MTOR: variants seen among roughly 807,000 people sequenced by gnomAD.
The protein encoded by MTOR is serine/threonine-protein kinase mTOR.
A neutral mutation model predicts 319.8 loss-of-function variants in MTOR; 70 were observed. That is an observed-to-expected ratio of 0.22 (90% CI 0.18 to 0.27). The LOEUF is 0.27. MTOR is among the 10% of genes least tolerant of loss of function. The pLI is 1.00. For synonymous variants in MTOR, 1,183 were observed against 1,211.4 expected (o/e 0.98, Z 0.49); for missense variants, 1,890 against 3,274.4 (o/e 0.58, Z 10.32).
intron 30 of MTOR, among the ~76,000 whole-genome samples, chr1:11,153,812 T>C (rs1189202387): frequency 2.0e-5 from 3 of 151,968 alleles, no homozygotes; most frequent in Admixed American, 2.0e-4. Flanking sequence ...CTCACACCCG[T>C]AATCCTAGAC....
At chr1:11,158,089 C>T (rs1644371654) in intron 29 of MTOR, among the ~76,000 whole-genome samples, 1 of 152,136 alleles carries the variant, frequency 6.6e-6, no homozygotes, top group African/African-American at 2.4e-5. Flanking sequence ...CTATGACTCT[C>T]CAAATGATCA....
At chr1:11,178,244 C>T (rs900847443) in intron 28 of MTOR, among the ~76,000 whole-genome samples, 1 of 152,214 alleles carries the variant, frequency 6.6e-6, no homozygotes, top group Non-Finnish European at 1.5e-5. Flanking sequence ...CAGCGATGAG[C>T]TGGCAAGCTG....
At chr1:11,189,699 C>G in intron 28 of MTOR, 1 of 1,614,198 alleles carries the variant, frequency 6.2e-7, no homozygotes, top group Middle Eastern at 1.6e-4. Flanking sequence ...AGCCACAGCT[C>G]AAAGCGGCCA....
chr1:11,124,660 T>C (rs774149449), intron 46 of MTOR, 27 bp from the exon 47 acceptor site: 2 of 1,592,314 alleles, frequency 1.3e-6, no homozygotes, highest in African/African-American at 2.7e-5. Context: ...GAGCGGTGAG[T>C]GTACATCAGA....
At chr1:11,142,672 G>C (rs1643770612) in intron 34 of MTOR, among the ~76,000 whole-genome samples, 1 of 152,064 alleles carries the variant, frequency 6.6e-6, no homozygotes, top group African/African-American at 2.4e-5. Context: ...ACTGCTTCAT[G>C]GTAAATTCCA....
rs184474556 is a variant in MTOR, at chr1:11,129,862, C to G, written c.5614-24G>C. The G allele has an allele frequency of 1.3e-6, 2 of 1,599,136 alleles. No individual in the cohort carries two copies. The highest frequency in any genetic ancestry group is 2.2e-5 in the South Asian group (2 of 90,560). On this transcript the variant is annotated intron_variant, in intron 39 of 57. Coordinates refer to ENST00000361445, the MANE Select transcript of MTOR (RefSeq NM_004958.4). The surrounding 1 kb of genome is among the most constrained non-coding windows in gnomAD (Gnocchi z 4.7). ...TCCTGTTGGAACACACACGTGTTAGCGACACTCTTGCCTCTGCTTTCTCAT... is the reference window on the plus strand; with the variant it reads ...TCCTGTTGGAACACACACGTGTTAGGGACACTCTTGCCTCTGCTTTCTCAT...
chr1:11,255,906 G>A (rs1650341935), intron 5 of MTOR, 86 bp downstream of exon 5: 1 of 1,262,942 alleles, frequency 7.9e-7, no homozygotes, highest in South Asian at 1.5e-5. Flanking sequence ...TTGCTCCATG[G>A]CAAGGGCTTG....
In MTOR at chr1:11,212,318, C is replaced by T; in HGVS notation, c.3555G>A (p.Gly1185=). The T allele has an allele frequency of 6.2e-7, 1 of 1,613,312 alleles. No homozygotes were observed. The highest frequency in any genetic ancestry group is 8.5e-7 in the Non-Finnish European group (1 of 1,179,630). The change falls in exon 23 of 58, where the codon GGG becomes GGA. Residue 1185 remains glycine (G), a synonymous_variant. Coordinates refer to ENST00000361445, the MANE Select transcript of MTOR (RefSeq NM_004958.4). The surrounding 1 kb of genome is among the most constrained non-coding windows in gnomAD (Gnocchi z 4.1). ...DTLSSLVFQL[G]KKYQIFIPMV... ...GTCCAGACTCCCATCTTACCTTCTT[C>T]CCCAGCTGAAAAACAAGTGAAGACA...
intron 11 of MTOR, among the ~76,000 whole-genome samples, chr1:11,240,032 T>C (rs936132936): frequency 2.6e-5 from 4 of 152,114 alleles, no homozygotes; most frequent in African/African-American, 7.2e-5. Flanking sequence ...AAAGTGAGGA[T>C]GTGAGGGGGA....
At chr1:11,257,566 GAAAAAAAAAA>G (rs70977557) in intron 3 of MTOR, among the ~76,000 whole-genome samples, 1 of 64,842 alleles carries the variant, frequency 1.5e-5, no homozygotes, top group Non-Finnish European at 2.8e-5. Flanking sequence ...CTGTCTCAGA[GAAAAAAAAAA>G]AAAAAAAAAA....
chr1:11,183,302 T>C (rs1054284215), intron 28 of MTOR, among the ~76,000 whole-genome samples: 1 of 152,218 alleles, frequency 6.6e-6, no homozygotes, highest in African/African-American at 2.4e-5. Context: ...GTCAATATTT[T>C]ATTTTTTTCT....
Position 11,199,525 on chromosome 1 carries a change from T to TG in MTOR, c.4107+15dup, listed in dbSNP as rs775738721. The TG allele has an allele frequency of 1.9e-6, 3 of 1,613,982 alleles. No individual in the cohort carries two copies. The highest frequency in any genetic ancestry group is 2.5e-6 in the Non-Finnish European group (3 of 1,179,976). Reference sequence around the variant, plus strand: ...TCCCTGTCAGCCTCCATCTGGACAATGGGGAAAAGTCTCACCTTGTCACTG... The same window carrying TG: ...TCCCTGTCAGCCTCCATCTGGACAATGGGGGAAAAGTCTCACCTTGTCACTG... On this transcript the variant is annotated intron_variant, in intron 27 of 57. Coordinates refer to ENST00000361445, the MANE Select transcript of MTOR (RefSeq NM_004958.4). The surrounding 1 kb of genome is among the most constrained non-coding windows in gnomAD (Gnocchi z 4.5).
intron 25 of MTOR, among the ~76,000 whole-genome samples, chr1:11,207,419 T>C (rs1646171275): frequency 7.0e-6 from 1 of 143,860 alleles, no homozygotes; most frequent in Non-Finnish European, 1.5e-5. Flanking sequence ...CTTTTTTTTT[T>C]TTTTTTTTGA....
rs1557732663 is a variant in MTOR, at chr1:11,107,153, T to TA, written c.*331dup. The TA allele has an allele frequency of 5.0e-6, 7 of 1,386,628 alleles. No individual in the cohort carries two copies. The highest frequency in any genetic ancestry group is 6.7e-6 in the Non-Finnish European group (7 of 1,050,242). 85.9% of individuals were successfully genotyped at this position (1,386,628 alleles called of 1,614,324 possible). A position where few individuals can be genotyped will look rare whatever the true frequency, so the allele number is the denominator to read the frequency against. On this transcript the variant is annotated 3_prime_UTR_variant, in exon 58 of 58. Coordinates refer to ENST00000361445, the MANE Select transcript of MTOR (RefSeq NM_004958.4). ...GGTCATTCTTCCATCAGCAAGTACT[T>TA]ATGATGAGTTCTCTTGTGAGTTAAG...
intron 10 of MTOR, among the ~76,000 whole-genome samples, chr1:11,241,125 T>C (rs1371731101): frequency 6.6e-6 from 1 of 151,422 alleles, no homozygotes; most frequent in Non-Finnish European, 1.5e-5. Flanking sequence ...ATCGAGACCA[T>C]CCTGGCTAAC....
chr1:11,208,531 T>C (rs759144313), intron 25 of MTOR, among the ~76,000 whole-genome samples: 12 of 152,352 alleles, frequency 7.9e-5, no homozygotes, highest in African/African-American at 1.4e-4. Context: ...AGATGGCTAA[T>C]AGATGAAAAA....
Position 11,115,447 on chromosome 1 carries a change from C to T in MTOR, c.7038G>A (p.Leu2346=), listed in dbSNP as rs1177894158. The change falls in exon 51 of 58, where the codon CTG becomes CTA. Residue 2346 remains leucine, a synonymous_variant. Coordinates refer to ENST00000361445, the MANE Select transcript of MTOR (RefSeq NM_004958.4). The surrounding 1 kb of genome is among the most constrained non-coding windows in gnomAD (Gnocchi z 4.5). The part of the protein sequence containing the change: ...LGDRHPSNLM[L]DRLSGKILHI... The stretch of plus-strand genomic sequence containing the variant: ...GCAGGATCTTCCCACTCAGACGGTC[C>T]AGCATCAGGTTGGATGGGTGTCTTT... 6.2e-7 allele frequency: 1 copy of T among 1,614,048 alleles called. No homozygotes were observed. Among genetic ancestry groups the T allele is most frequent in the African/African-American group, 1.3e-5 (1 of 74,914 alleles).
rs1161537445 is a variant in MTOR, at chr1:11,212,801, A to G, written c.3393T>C (p.Ser1131=). The change falls in exon 22 of 58, where the codon TCT becomes TCC. Residue 1131 remains serine, a synonymous_variant. Transcript: ENST00000361445. This position sits in a 1 kb window ranked among gnomAD's most constrained non-coding sequence, Gnocchi z 4.1. ...LFDAPEAPLP[S]RKAALETVDR... is the part of the protein sequence containing the mutation. ...CCCAAAGAGGAGGTGCTCACTTTCG[A>G]GATGGCAGTGGAGCTTCAGGGGCAT... is the stretch of plus-strand genomic sequence containing the variant. 6.2e-7 allele frequency: 1 copy of G among 1,612,872 alleles called. No individual in the cohort carries two copies. The highest frequency in any genetic ancestry group is 8.5e-7 in the Non-Finnish European group (1 of 1,178,942).
Position 11,127,267 on chromosome 1 carries a change from G to A in MTOR, c.6217-123C>T. ...GCTGTGGCCTGAAAACACTGGCAGG[G>A]GGCTGGAGAAAGCAAGAGCATAGGT... On this transcript the variant is annotated intron_variant, in intron 44 of 57. Transcript: ENST00000361445. This position sits in a 1 kb window ranked among gnomAD's most constrained non-coding sequence, Gnocchi z 5.5. 7.2e-7 allele frequency: 1 copy of A among 1,380,464 alleles called. No homozygotes were observed. The highest frequency in any genetic ancestry group is 9.8e-7 in the Non-Finnish European group (1 of 1,017,652). The allele number at this position is 1,380,464 out of a possible 1,614,324, so 85.5% of individuals were successfully genotyped here.
Sources: allele counts gnomAD v4.1 joint callset (sites outside exome capture counted in the v4.1 genomes callset), GRCh38; gene constraint gnomAD v4.1.1; non-coding constraint Gnocchi (gnomAD v3.1); transcripts MANE v1.5; gene names NCBI Gene and HGNC (gene_info 2026-07-23, HGNC 2026-07-21).